Variants in SLC12A8 observed in about 807,000 individuals in gnomAD.
SLC12A8 encodes the protein cation-chloride cotransporter 9.
SLC12A8 carries 69 observed loss-of-function variants against 75.6 expected under a neutral mutation model. The observed-to-expected ratio is 0.91, with a 90% CI of 0.75 to 1.11. The LOEUF (loss-of-function observed/expected upper bound fraction) is 1.11, where lower values mean the gene tolerates loss of function less well. SLC12A8 is among the 50% of genes most tolerant of loss of function. The pLI is 0.00. For synonymous variants in SLC12A8, 365 were observed against 372.8 expected (o/e 0.98, Z 0.24); for missense variants, 877 against 896.7 (o/e 0.98, Z 0.28).
intron 6 of SLC12A8, among the ~76,000 whole-genome samples, chr3:125,132,364 G>A (rs1057048473): frequency 1.3e-5 from 2 of 152,168 alleles, no homozygotes; most frequent in Non-Finnish European, 1.5e-5. Context: ...TTCCATGGCC[G>A]AGCCTTAAGA....
chr3:125,119,881 GA>G (rs2107750246), intron 7 of SLC12A8: 1 of 456,758 alleles, frequency 2.2e-6, no homozygotes, highest in Non-Finnish European at 4.4e-6. Flanking sequence ...GAAGGGCAGA[GA>G]AGCTTCTTCC....
At chr3:125,092,342 G>A (rs1302210377) in intron 10 of SLC12A8, 144 bp from the exon 11 acceptor site, 2 of 549,800 alleles carry the variant, frequency 3.6e-6, no homozygotes, top group East Asian at 3.3e-5. Context: ...GCAGAAGGAA[G>A]AAAGAAGTGT....
At chr3:125,122,259 G>A (rs1320366236) in intron 6 of SLC12A8, among the ~76,000 whole-genome samples, 1 of 152,158 alleles carries the variant, frequency 6.6e-6, no homozygotes, top group Non-Finnish European at 1.5e-5. Flanking sequence ...GGTGATAAAA[G>A]AACAGGTCAT....
chr3:125,103,922 C>T (rs765262027), intron 10 of SLC12A8, among the ~76,000 whole-genome samples: 28 of 151,180 alleles, frequency 1.9e-4, no homozygotes, highest in South Asian at 6.3e-4. Flanking sequence ...TGTGAGCCAC[C>T]GTGCCCAGCG....
In SLC12A8 at chr3:125,093,291, T is replaced by C. The variant is rs148825023; in HGVS notation, c.1706-1093A>G. ...CCTTCATAGTTTGTTGCTCAGGAAATATAGTAGAAAGCTCCCTACATAGCC... is the reference window on the plus strand; with the variant it reads ...CCTTCATAGTTTGTTGCTCAGGAAACATAGTAGAAAGCTCCCTACATAGCC... On this transcript the variant is annotated intron_variant, in intron 10 of 13. Transcript: ENST00000469902. Among the ~76,000 whole-genome samples the C allele has an allele frequency of 8.2e-4, 125 of 152,320 alleles. 1 individual carries two copies. Among genetic ancestry groups the C allele is most frequent in the African/African-American group, 2.9e-3 (121 of 41,580 alleles).
chr3:125,199,695 A>G (rs939033467), intron 2 of SLC12A8, among the ~76,000 whole-genome samples: 11 of 152,058 alleles, frequency 7.2e-5, no homozygotes, highest in Admixed American at 7.2e-4. Flanking sequence ...ACAATGAACT[A>G]TGCTCACGCC....
rs777938263 is a variant in SLC12A8 at position 125,120,548 on chromosome 3, G to GT, written c.824+50dup. The stretch of plus-strand genomic sequence containing the variant: ...AGGGGCAATCCCTCTTCTGCCTGGG[G>GT]TTTTCTCTCCCACTCTCTAGCTCAG... On this transcript the variant is annotated intron_variant, in intron 7 of 13. Transcript: ENST00000469902. 16 of 1,375,264 alleles carry GT rather than the reference G, an allele frequency of 1.2e-5. No individual in the cohort carries two copies. The South Asian group carries it at 1.6e-4, about 13-fold the overall frequency. The allele number at this position is 1,375,264 out of a possible 1,614,324, so 85.2% of individuals were successfully genotyped here. A position where few individuals can be genotyped will look rare whatever the true frequency, so the allele number is the denominator to read the frequency against.
intron 6 of SLC12A8, among the ~76,000 whole-genome samples, chr3:125,124,355 T>A (rs987190493): frequency 6.6e-6 from 1 of 151,992 alleles, no homozygotes; most frequent in Admixed American, 6.5e-5. Flanking sequence ...GAGATGGAGT[T>A]TCCCTCTGTC....
chr3:125,178,869 T>G (rs1934593182), intron 4 of SLC12A8, among the ~76,000 whole-genome samples: 1 of 152,260 alleles, frequency 6.6e-6, no homozygotes, highest in Admixed American at 6.5e-5. Flanking sequence ...AGGCTTCCTA[T>G]GAGTATTTGT....
intron 4 of SLC12A8, among the ~76,000 whole-genome samples, chr3:125,186,598 T>C (rs1934788054): frequency 6.6e-6 from 1 of 152,250 alleles, no homozygotes; most frequent in South Asian, 2.1e-4. Flanking sequence ...CTGTACTTTG[T>C]TCCCTCAGCA....
intron 5 of SLC12A8, among the ~76,000 whole-genome samples, chr3:125,140,782 C>T (rs1933611922): frequency 6.6e-6 from 1 of 152,038 alleles, no homozygotes; most frequent in African/African-American, 2.4e-5. Flanking sequence ...TGCAGTGGCA[C>T]TATCGTAGCT....
Position 125,173,466 on chromosome 3 carries a change from A to C in SLC12A8, c.622+4277T>G, listed in dbSNP as rs946031986. Among the ~76,000 whole-genome samples the C allele has an allele frequency of 8.2e-3, 1,238 of 151,234 alleles. 13 individuals are homozygous for C. Among genetic ancestry groups the C allele is most frequent in the Non-Finnish European group, 0.012 (813 of 67,796 alleles). ...TATTCATGAGCCAAAAAAAAAAAAA[A>C]AAAAAAAAACCAAAATAACCTGGAC... On this transcript the variant is annotated intron_variant, in intron 5 of 13. Transcript: ENST00000469902.
intron 8 of SLC12A8, 191 bp from the exon 9 acceptor site, chr3:125,110,526 C>T (rs1278289194): frequency 2.0e-6 from 1 of 511,742 alleles, no homozygotes; most frequent in African/African-American, 1.9e-5. Context: ...TCCACCACCA[C>T]ATTTCATATG....
intron 2 of SLC12A8, among the ~76,000 whole-genome samples, chr3:125,198,459 C>T (rs916660343): frequency 6.6e-6 from 1 of 151,958 alleles, no homozygotes; most frequent in Non-Finnish European, 1.5e-5. Flanking sequence ...ATGGTGAAAC[C>T]CCACCTCTAC....
intron 2 of SLC12A8, among the ~76,000 whole-genome samples, chr3:125,193,164 T>A (rs1934939892): frequency 6.6e-6 from 1 of 152,040 alleles, no homozygotes; most frequent in South Asian, 2.1e-4. Context: ...AGGTCAGGGG[T>A]TTGAGACCAG....
chr3:125,110,869 C>T (rs1939171258), intron 8 of SLC12A8, among the ~76,000 whole-genome samples: 2 of 152,192 alleles, frequency 1.3e-5, no homozygotes, highest in South Asian at 2.1e-4. Flanking sequence ...CTCCCCCTGT[C>T]CTGACATATA....
intron 2 of SLC12A8, among the ~76,000 whole-genome samples, chr3:125,210,021 A>T (rs1463306040): frequency 6.6e-6 from 1 of 152,218 alleles, no homozygotes; most frequent in African/African-American, 2.4e-5. Context: ...AAAATTGGGC[A>T]TTGGGCCATG....
chr3:125,163,314 T>TA (rs1220437711), intron 5 of SLC12A8, among the ~76,000 whole-genome samples: 9 of 143,632 alleles, frequency 6.3e-5, no homozygotes, highest in African/African-American at 1.8e-4. Context: ...ACAAAAATAA[T>TA]AAAAAAAAGA....
intron 5 of SLC12A8, among the ~76,000 whole-genome samples, chr3:125,166,140 T>C (rs963396632): frequency 6.6e-6 from 1 of 152,146 alleles, no homozygotes; most frequent in Non-Finnish European, 1.5e-5. Context: ...ACCCCAGCCC[T>C]GACCACACCT....
Sources: allele counts gnomAD v4.1 joint callset (sites outside exome capture counted in the v4.1 genomes callset), GRCh38; gene constraint gnomAD v4.1.1; transcripts MANE v1.5; gene names NCBI Gene and HGNC (gene_info 2026-07-23, HGNC 2026-07-21).